BRINP1: variants seen among roughly 807,000 people sequenced by gnomAD.
The protein encoded by BRINP1 is BMP/retinoic acid inducible neural specific 1, also known as BMP/retinoic acid-inducible neural-specific protein 1.
Under a neutral mutation model 72.9 loss-of-function variants are expected in BRINP1, and 17 were observed. That is an observed-to-expected ratio of 0.23 (90% CI 0.16 to 0.35). The LOEUF is 0.35. BRINP1 is among the 10% of genes least tolerant of loss of function. BRINP1 has a pLI of 1.00. For synonymous variants in BRINP1, 418 were observed against 378.5 expected, an observed-to-expected ratio of 1.10 and a Z score of -1.21; for missense variants, 850 against 1,001.6, an observed-to-expected ratio of 0.85 and a Z score of 2.04.
At chr9:119,197,934 T>C (rs1485035349) in intron 7 of BRINP1, among the ~76,000 whole-genome samples, 1 of 152,196 alleles carries the variant, frequency 6.6e-6, no homozygotes, top group African/African-American at 2.4e-5. Context: ...AGACAAGTTA[T>C]TGACAAAAAT....
intron 2 of BRINP1, among the ~76,000 whole-genome samples, chr9:119,264,449 CA>C (rs1830528441): frequency 6.6e-6 from 1 of 152,210 alleles, no homozygotes; most frequent in African/African-American, 2.4e-5. Context: ...TTTTGGGAAG[CA>C]GTCAATGAAC....
At chr9:119,245,235 TATGTGAATG>T (rs2118915382) in intron 3 of BRINP1, among the ~76,000 whole-genome samples, 1 of 152,318 alleles carries the variant, frequency 6.6e-6, no homozygotes, top group East Asian at 1.9e-4. Flanking sequence ...CAACCATATA[TATGTGAATG>T]ATGTGTACAC....
At chr9:119,233,934 G>A (rs1450359394) in intron 5 of BRINP1, among the ~76,000 whole-genome samples, 2 of 152,054 alleles carry the variant, frequency 1.3e-5, no homozygotes, top group Admixed American at 1.3e-4. Flanking sequence ...ACTCAATGCT[G>A]TGTTTGTAAG....
intron 1 of BRINP1, among the ~76,000 whole-genome samples, chr9:119,339,380 G>A (rs982623551): frequency 3.3e-5 from 5 of 152,126 alleles, no homozygotes; most frequent in East Asian, 1.9e-4. Context: ...CAACTACTTC[G>A]TGTTATATAT....
At chr9:119,312,065 G>T (rs925009481) in intron 2 of BRINP1, among the ~76,000 whole-genome samples, 5 of 152,188 alleles carry the variant, frequency 3.3e-5, no homozygotes, top group African/African-American at 1.2e-4. Flanking sequence ...TCACTAAAAG[G>T]ATGCTACTGT....
At chr9:119,360,792 T>C (rs1344299739) in intron 1 of BRINP1, among the ~76,000 whole-genome samples, 1 of 152,208 alleles carries the variant, frequency 6.6e-6, no homozygotes, top group Non-Finnish European at 1.5e-5. Flanking sequence ...AATTATATCT[T>C]AGAAACCTCC....
chr9:119,220,441 T>C (rs935991880), intron 5 of BRINP1, among the ~76,000 whole-genome samples: 1 of 152,158 alleles, frequency 6.6e-6, no homozygotes, highest in African/African-American at 2.4e-5. Context: ...GACCTGAAGA[T>C]TATAGCCCAA....
At chr9:119,255,954 C>CAAAAA (rs58972395) in intron 2 of BRINP1, among the ~76,000 whole-genome samples, 1 of 53,498 alleles carries the variant, frequency 1.9e-5, no homozygotes, top group African/African-American at 7.8e-5. Flanking sequence ...GACTCCAGCT[C>CAAAAA]AAAAAAAAAA....
intron 2 of BRINP1, among the ~76,000 whole-genome samples, chr9:119,253,008 G>A (rs1458598162): frequency 6.6e-6 from 1 of 152,156 alleles, no homozygotes; most frequent in African/African-American, 2.4e-5. Flanking sequence ...AGGCCTAAGT[G>A]AGGAAATGTA....
chr9:119,316,070 G>GCTA (rs1050314125), intron 1 of BRINP1, among the ~76,000 whole-genome samples: 12 of 152,128 alleles, frequency 7.9e-5, no homozygotes, highest in African/African-American at 2.9e-4. Context: ...GATGAAGATG[G>GCTA]CTACCCTAAA....
intron 1 of BRINP1, among the ~76,000 whole-genome samples, chr9:119,361,285 T>A (rs1158034134): frequency 6.6e-6 from 1 of 152,204 alleles, no homozygotes; most frequent in African/African-American, 2.4e-5. Context: ...TCAGCCTCAT[T>A]ATCTCCTTAA....
At chr9:119,284,575 C>G (rs1830741818) in intron 2 of BRINP1, among the ~76,000 whole-genome samples, 1 of 152,156 alleles carries the variant, frequency 6.6e-6, no homozygotes, top group Admixed American at 6.5e-5. Context: ...CAACTCTTTC[C>G]CTCCCTTTTC....
chr9:119,340,821 A>ATC lies in BRINP1; in HGVS notation c.-50-27418_-50-27417dup, dbSNP rs550511614. Among the ~76,000 whole-genome samples, 54 of 152,344 alleles carry ATC rather than the reference A, an allele frequency of 3.5e-4. 1 individual carries two copies. The East Asian group carries it at 7.0e-3, about 20-fold the overall frequency. ...TCCTTAGACACAGCTTTTTAAATGT[A>ATC]TCAGTCCTTAAGAGAACAAAGGAGG... is the stretch of plus-strand genomic sequence containing the variant. On this transcript the variant is annotated intron_variant, in intron 1 of 7. Coordinates refer to ENST00000265922, the MANE Select transcript of BRINP1 (RefSeq NM_014618.3).
At chr9:119,193,451 A>G (rs1373412958) in intron 7 of BRINP1, among the ~76,000 whole-genome samples, 1 of 152,138 alleles carries the variant, frequency 6.6e-6, no homozygotes. Context: ...GGAAATGGAG[A>G]AATGTAGGTC....
chr9:119,269,089 G>A (rs1830581757), intron 2 of BRINP1, among the ~76,000 whole-genome samples: 1 of 152,192 alleles, frequency 6.6e-6, no homozygotes, highest in Non-Finnish European at 1.5e-5. Flanking sequence ...TCCTCCACAG[G>A]CTTCCTGTTA....
intron 2 of BRINP1, among the ~76,000 whole-genome samples, chr9:119,257,773 T>C (rs1164914778): frequency 6.6e-6 from 1 of 152,088 alleles, no homozygotes; most frequent in Admixed American, 6.6e-5. Flanking sequence ...TCCCACTCGC[T>C]CCCCACACGA....
At chr9:119,219,646 T>TGAGAGA (rs57623423) in intron 5 of BRINP1, among the ~76,000 whole-genome samples, 1,280 of 125,758 alleles carry the variant, frequency 0.01, 6 homozygotes, top group African/African-American at 0.017. Context: ...TACTGTTTAC[T>TGAGAGA]GAGAGAGAGA....
Position 119,180,825 on chromosome 9 carries a change from T to C in BRINP1, c.1146-12601A>G, listed in dbSNP as rs537331210. On this transcript the variant is annotated intron_variant, in intron 7 of 7. Coordinates refer to ENST00000265922, the MANE Select transcript of BRINP1 (RefSeq NM_014618.3). ...TACCAAAAGAAAATGTTACGGTCCC[T>C]TGTCATGCTGAAACTATTTTCTAAT... Among the ~76,000 whole-genome samples, 26 of 152,286 alleles carry C rather than the reference T, an allele frequency of 1.7e-4. No individual in the cohort carries two copies. The East Asian group carries it at 4.8e-3, about 28-fold the overall frequency.
intron 1 of BRINP1, among the ~76,000 whole-genome samples, chr9:119,329,651 C>T (rs1471554973): frequency 6.6e-6 from 1 of 152,204 alleles, no homozygotes; most frequent in African/African-American, 2.4e-5. Flanking sequence ...CCACTTTTAA[C>T]ATACACAGGA....
Sources: allele counts gnomAD v4.1 joint callset (sites outside exome capture counted in the v4.1 genomes callset), GRCh38; gene constraint gnomAD v4.1.1; transcripts MANE v1.5; gene names NCBI Gene and HGNC (gene_info 2026-07-23, HGNC 2026-07-21).